Variants in PLA2G4A observed in about 807,000 individuals in gnomAD.
PLA2G4A encodes phospholipase A2 group IVA.
A neutral mutation model predicts 81.9 loss-of-function variants in PLA2G4A; 40 were observed. That is an observed-to-expected ratio of 0.49 (90% CI 0.38 to 0.64). The LOEUF is 0.64. Ranked by LOEUF, PLA2G4A falls within the 30% of genes least tolerant of loss-of-function variation. PLA2G4A has a pLI of 0.00. For synonymous variants in PLA2G4A, 302 were observed against 296.9 expected, an observed-to-expected ratio of 1.02 and a Z score of -0.18; for missense variants, 715 against 905.1, an observed-to-expected ratio of 0.79 and a Z score of 2.69.
intron 5 of PLA2G4A, among the ~76,000 whole-genome samples, chr1:186,903,433 G>T (rs547086335): frequency 6.6e-6 from 1 of 151,994 alleles, no homozygotes; most frequent in African/African-American, 2.4e-5. Flanking sequence ...TTAAAGCAGG[G>T]GTCCCCAACC....
At chr1:186,963,216 T>A (rs184205263) in intron 14 of PLA2G4A, among the ~76,000 whole-genome samples, 1 of 152,348 alleles carries the variant, frequency 6.6e-6, no homozygotes, top group East Asian at 1.9e-4. Context: ...AAAATAAATT[T>A]AAGCCAAAGA....
intron 8 of PLA2G4A, among the ~76,000 whole-genome samples, chr1:186,937,815 T>C (rs41519945): frequency 0.043 from 6,512 of 152,012 alleles, 188 homozygotes; most frequent in African/African-American, 0.076. Flanking sequence ...GCATGTTATT[T>C]AAATTTCCCA....
rs1210638134 is a variant in PLA2G4A, at chr1:186,847,479, T to TA, written c.-69-6805dup. Among the ~76,000 whole-genome samples the TA allele has an allele frequency of 5.3e-5, 8 of 152,186 alleles. No homozygotes were observed. The South Asian group carries it at 6.2e-4, about 12-fold the overall frequency. ...CCACATTCCTCGTTCTGCCATTTTGTAAGCTGGTTCACCTATGTATTGGAC... is the reference window on the plus strand; with the variant it reads ...CCACATTCCTCGTTCTGCCATTTTGTAAAGCTGGTTCACCTATGTATTGGAC... On this transcript the variant is annotated intron_variant, in intron 1 of 17. Coordinates refer to ENST00000367466, the MANE Select transcript of PLA2G4A (RefSeq NM_024420.3).
intron 6 of PLA2G4A, among the ~76,000 whole-genome samples, chr1:186,908,694 T>C (rs1318756379): frequency 6.6e-6 from 1 of 151,936 alleles, no homozygotes; most frequent in African/African-American, 2.4e-5. Flanking sequence ...TACATAATAG[T>C]AAAAGTGTTT....
At chr1:186,896,072 ATTAT>A (rs1654322967) in intron 5 of PLA2G4A, among the ~76,000 whole-genome samples, 4 of 151,794 alleles carry the variant, frequency 2.6e-5, no homozygotes, top group African/African-American at 9.6e-5. Context: ...ATACTGACAT[ATTAT>A]TTAGTTTATA....
intron 3 of PLA2G4A, among the ~76,000 whole-genome samples, chr1:186,882,355 T>C (rs960272093): frequency 6.6e-6 from 1 of 152,178 alleles, no homozygotes; most frequent in African/African-American, 2.4e-5. Context: ...TGGACTCTTA[T>C]CTTGGATATT....
intron 7 of PLA2G4A, among the ~76,000 whole-genome samples, chr1:186,916,858 TC>T (rs1655155541): frequency 6.6e-6 from 1 of 152,106 alleles, no homozygotes; most frequent in South Asian, 2.1e-4. Context: ...GCAGGGAAAA[TC>T]AGTGGAAGTG....
chr1:186,945,262 G>A (rs918987709), intron 10 of PLA2G4A, among the ~76,000 whole-genome samples: 1 of 152,160 alleles, frequency 6.6e-6, no homozygotes, highest in African/African-American at 2.4e-5. Context: ...CCGTGTGGCT[G>A]AAGTGAAGTG....
Position 186,939,983 on chromosome 1 carries a change from A to G in PLA2G4A, c.922A>G (p.Met308Val). The G allele has an allele frequency of 7.0e-7, 1 of 1,433,148 alleles. No homozygotes were observed. Among genetic ancestry groups the G allele is most frequent in the Non-Finnish European group, 9.9e-7 (1 of 1,014,780 alleles). 88.8% of individuals were successfully genotyped at this position (1,433,148 alleles called of 1,614,324 possible). ...LIGETLIHNRMNTTLSSLKEK... is the reference protein window; with the variant it reads ...LIGETLIHNRVNTTLSSLKEK... Reference sequence around the variant, plus strand: ...TTTTTCTTTCTTCTGTGGACAGAGAATGAATACTACTCTGAGCAGTTTGAA... The same window carrying G: ...TTTTTCTTTCTTCTGTGGACAGAGAGTGAATACTACTCTGAGCAGTTTGAA... The change falls in exon 10 of 18, where the codon ATG (methionine) becomes GTG (valine). Residue 308 changes from methionine (M) to valine (V), a missense_variant. Transcript: ENST00000367466.
At chr1:186,961,069 T>C (rs1369033599) in intron 14 of PLA2G4A, among the ~76,000 whole-genome samples, 1 of 152,138 alleles carries the variant, frequency 6.6e-6, no homozygotes, top group African/African-American at 2.4e-5. Flanking sequence ...GTGGATATTA[T>C]ACTAAGTGAA....
At chr1:186,884,957 A>T (rs1175750222) in intron 3 of PLA2G4A, among the ~76,000 whole-genome samples, 1 of 151,596 alleles carries the variant, frequency 6.6e-6, no homozygotes, top group Non-Finnish European at 1.5e-5. Context: ...TCAGTCTATT[A>T]GTTAGCTGCA....
chr1:186,908,220 C>G (rs1332532893), intron 6 of PLA2G4A, among the ~76,000 whole-genome samples: 1 of 151,844 alleles, frequency 6.6e-6, no homozygotes, highest in Admixed American at 6.6e-5. Context: ...AACCATAATT[C>G]TACTACTGAA....
At chr1:186,955,312 T>C (rs982886451) in intron 13 of PLA2G4A, among the ~76,000 whole-genome samples, 99 of 152,292 alleles carry the variant, frequency 6.5e-4, no homozygotes, top group African/African-American at 2.3e-3. Flanking sequence ...GTAGCAAATA[T>C]ATGTTGAATC....
intron 13 of PLA2G4A, 101 bp downstream of exon 13, chr1:186,950,829 CAGACA>C: frequency 2.7e-6 from 2 of 738,016 alleles, no homozygotes; most frequent in South Asian, 1.4e-5. Flanking sequence ...ATCTTCACTT[CAGACA>C]CGGAAGTGAT....
chr1:186,946,993 A>G, intron 12 of PLA2G4A, 32 bp downstream of exon 12: 1 of 1,122,338 alleles, frequency 8.9e-7, no homozygotes, highest in Non-Finnish European at 1.4e-6. Context: ...ATTGATACAA[A>G]TCTTGCTACA....
At chr1:186,831,461 A>T (rs1338165801) in intron 1 of PLA2G4A, among the ~76,000 whole-genome samples, 1 of 152,094 alleles carries the variant, frequency 6.6e-6, no homozygotes, top group African/African-American at 2.4e-5. Flanking sequence ...TACGCTTGAC[A>T]TTTTTCTGTA....
intron 3 of PLA2G4A, among the ~76,000 whole-genome samples, chr1:186,880,401 A>G (rs1653684629): frequency 6.6e-6 from 1 of 152,066 alleles, no homozygotes; most frequent in Non-Finnish European, 1.5e-5. Flanking sequence ...GATTTATGCT[A>G]GTGAATAAAT....
intron 17 of PLA2G4A, among the ~76,000 whole-genome samples, chr1:186,984,176 G>C (rs958433791): frequency 1.3e-5 from 2 of 152,086 alleles, no homozygotes; most frequent in Admixed American, 1.3e-4. Flanking sequence ...TGGGTAGCAA[G>C]TGTCAGGATA....
At chr1:186,891,645 G>A (rs551168985) in intron 3 of PLA2G4A, among the ~76,000 whole-genome samples, 2 of 152,208 alleles carry the variant, frequency 1.3e-5, no homozygotes, top group South Asian at 4.2e-4. Context: ...CTTCTTTATG[G>A]CTGAGTAACA....
Sources: allele counts gnomAD v4.1 joint callset (sites outside exome capture counted in the v4.1 genomes callset), GRCh38; gene constraint gnomAD v4.1.1; transcripts MANE v1.5; gene names NCBI Gene and HGNC (gene_info 2026-07-23, HGNC 2026-07-21).